GFOD1: variants seen among roughly 807,000 people sequenced by gnomAD.
GFOD1 encodes the protein Gfo/Idh/MocA-like oxidoreductase domain containing 1.
Under a neutral mutation model 25.4 loss-of-function variants are expected in GFOD1, and 9 were observed. That is an observed-to-expected ratio of 0.35 (90% CI 0.21 to 0.62). The LOEUF (loss-of-function observed/expected upper bound fraction) is 0.62. Ranked by LOEUF, GFOD1 falls within the 20% of genes least tolerant of loss-of-function variation. The pLI is 0.72. For synonymous variants in GFOD1, 253 were observed against 245.6 expected (o/e 1.03, Z -0.28); for missense variants, 403 against 556.9 (o/e 0.72, Z 2.78).
chr6:13,409,328 GGAGA>G (rs1562209743), intron 1 of GFOD1, among the ~76,000 whole-genome samples: 1 of 139,044 alleles, frequency 7.2e-6, no homozygotes, highest in African/African-American at 2.7e-5. Context: ...AAGGAAGGAA[GGAGA>G]GAAAGAGAGA....
At chr6:13,374,563 C>A (rs1785220279) in intron 1 of GFOD1, among the ~76,000 whole-genome samples, 1 of 151,762 alleles carries the variant, frequency 6.6e-6, no homozygotes, top group East Asian at 1.9e-4. Flanking sequence ...GTCTCAGCCT[C>A]CCAAAGTGCT....
rs10530261 is a variant in GFOD1, at chr6:13,410,577, GGAGAGAGAGAGAGAGAGAGA to G, written c.254-44935_254-44916del. Among the ~76,000 whole-genome samples, 17 of 128,176 alleles carry G rather than the reference GGAGAGAGAGAGAGAGAGAGA, an allele frequency of 1.3e-4. No homozygotes were observed. In the East Asian group the frequency reaches 1.4e-3, roughly 10 times the overall value. The allele number at this position is 128,176 out of a possible 152,430, so 84.1% of individuals were successfully genotyped here. A position where few individuals can be genotyped will look rare whatever the true frequency, so the allele number is the denominator to read the frequency against. On this transcript the variant is annotated intron_variant, in intron 1 of 1. Transcript: ENST00000379287. ...AGCAAAACTCTGTCAAAGAAAGAAA[GGAGAGAGAGAGAGAGAGAGA>G]GAGAGAGAGAGAGAGAGGAAGGAAG...
At chr6:13,412,640 C>T (rs1048680217) in intron 1 of GFOD1, among the ~76,000 whole-genome samples, 4 of 152,228 alleles carry the variant, frequency 2.6e-5, no homozygotes. Flanking sequence ...GTTACTGTTA[C>T]TCCAGGGGTG....
rs1323139945 is a variant in GFOD1, at chr6:13,361,079, C to T, written c.*3664G>A. On this transcript the variant is annotated 3_prime_UTR_variant, in exon 2 of 2. Coordinates refer to ENST00000379287, the MANE Select transcript of GFOD1 (RefSeq NM_018988.4). Reference sequence around the variant, plus strand: ...GATAACATACTTAAAATACTCTGCACACAGTGGACAAGTCTTGGAGTTGGC... The same window carrying T: ...GATAACATACTTAAAATACTCTGCATACAGTGGACAAGTCTTGGAGTTGGC... 1 of 352,468 alleles carries T rather than the reference C, an allele frequency of 2.8e-6. No individual in the cohort carries two copies. The highest frequency in any genetic ancestry group is 2.1e-5 in the African/African-American group (1 of 46,610). 21.8% of individuals were successfully genotyped at this position (352,468 alleles called of 1,614,324 possible).
In GFOD1 at chr6:13,367,705, A is replaced by G. The variant is rs541714531; in HGVS notation, c.254-2043T>C. 4.6e-5 allele frequency among the ~76,000 whole-genome samples: 7 copies of G among 152,024 alleles called. No homozygotes were observed. The South Asian group carries it at 1.3e-3, about 27-fold the overall frequency. On this transcript the variant is annotated intron_variant, in intron 1 of 1. Transcript: ENST00000379287. Reference sequence around the variant, plus strand: ...ATTTATTTCATGGAAGCCAAGAGTCAGGGAAGAAGAAAAACAACTCAGCTG... The same window carrying G: ...ATTTATTTCATGGAAGCCAAGAGTCGGGGAAGAAGAAAAACAACTCAGCTG...
intron 1 of GFOD1, among the ~76,000 whole-genome samples, chr6:13,372,141 G>A (rs1334580728): frequency 6.6e-6 from 1 of 152,230 alleles, no homozygotes; most frequent in Admixed American, 6.5e-5. Context: ...TGGTGGAGCT[G>A]AGAGATACCT....
intron 1 of GFOD1, among the ~76,000 whole-genome samples, chr6:13,394,098 AT>A (rs1023589537): frequency 1.3e-5 from 2 of 152,132 alleles, no homozygotes; most frequent in Non-Finnish European, 2.9e-5. Context: ...GTCTTAAATA[AT>A]GTACAGTTAT....
At chr6:13,486,418 C>T (rs999405570) in intron 1 of GFOD1, 8 of 608,424 alleles carry the variant, frequency 1.3e-5, no homozygotes, top group African/African-American at 1.3e-4. Context: ...GGAAGCGCGT[C>T]CAAGTGGTGC....
chr6:13,409,265 AGG>A (rs1786023142), intron 1 of GFOD1, among the ~76,000 whole-genome samples: 1 of 88,572 alleles, frequency 1.1e-5, no homozygotes, highest in African/African-American at 2.7e-5. Context: ...AGAGAGAGAG[AGG>A]GAAAGATAGA....
Position 13,362,404 on chromosome 6 carries a change from GT to G in GFOD1, c.*2338del, listed in dbSNP as rs1254500491. The G allele has an allele frequency of 1.3e-5, 2 of 150,296 alleles. No homozygotes were observed. Among genetic ancestry groups the G allele is most frequent in the African/African-American group, 4.9e-5 (2 of 40,520 alleles). 9.3% of individuals were successfully genotyped at this position (150,296 alleles called of 1,614,324 possible). ...TTGAACCTGGGAGGCAGAGGTTGCA[GT>G]GAGCTGAGATCACACCACTGCACTC... On this transcript the variant is annotated 3_prime_UTR_variant, in exon 2 of 2. Transcript: ENST00000379287.
Position 13,365,381 on chromosome 6 carries a change from A to T in GFOD1, c.535T>A (p.Tyr179Asn). ...GGGGLHSVGT[Y>N]IIDLLTFLTG... ...AGGAAGGTGAGCAGGTCGATGATGTAGGTGCCCACGGAGTGCAGGCCGCCG... is the reference window on the plus strand; with the variant it reads ...AGGAAGGTGAGCAGGTCGATGATGTTGGTGCCCACGGAGTGCAGGCCGCCG... The change falls in exon 2 of 2, where the codon TAC (tyrosine) becomes AAC (asparagine). Residue 179 changes from tyrosine to asparagine, a missense_variant. By Grantham distance (143) the Tyr-to-Asn change is moderately radical. Transcript: ENST00000379287. This position sits in a 1 kb window ranked among gnomAD's most constrained non-coding sequence, Gnocchi z 9.2. 6.2e-7 allele frequency: 1 copy of T among 1,613,982 alleles called. No homozygotes were observed. Among genetic ancestry groups the T allele is most frequent in the Non-Finnish European group, 8.5e-7 (1 of 1,179,930 alleles).
At chr6:13,386,300 C>G (rs549395928) in intron 1 of GFOD1, among the ~76,000 whole-genome samples, 1 of 152,142 alleles carries the variant, frequency 6.6e-6, no homozygotes, top group Non-Finnish European at 1.5e-5. Flanking sequence ...GCCTCCTATC[C>G]GTCAGGTCCA....
chr6:13,481,194 A>C (rs1758744139), intron 1 of GFOD1, among the ~76,000 whole-genome samples: 1 of 152,244 alleles, frequency 6.6e-6, no homozygotes, highest in Non-Finnish European at 1.5e-5. Context: ...CAGAAGCAGG[A>C]CTGAGGTTGG....
intron 1 of GFOD1, 42 bp downstream of exon 1, chr6:13,486,596 G>A (rs1758876785): frequency 1.3e-6 from 2 of 1,564,038 alleles, no homozygotes; most frequent in African/African-American, 2.7e-5. Flanking sequence ...GAAGGTTAAA[G>A]GGCGGGGGTG....
chr6:13,384,217 C>T (rs1452414005), intron 1 of GFOD1, among the ~76,000 whole-genome samples: 1 of 152,214 alleles, frequency 6.6e-6, no homozygotes, highest in African/African-American at 2.4e-5. Flanking sequence ...CAGAGTGAGA[C>T]TCCATCTCAA....
chr6:13,445,398 T>C (rs1228532846), intron 1 of GFOD1, among the ~76,000 whole-genome samples: 8 of 152,254 alleles, frequency 5.3e-5, no homozygotes, highest in African/African-American at 1.9e-4. Flanking sequence ...GTACTTGTAC[T>C]GGGCCCTCAA....
At chr6:13,437,952 AAAAAT>A (rs1757859461) in intron 1 of GFOD1, among the ~76,000 whole-genome samples, 1 of 152,386 alleles carries the variant, frequency 6.6e-6, no homozygotes, top group East Asian at 1.9e-4. Flanking sequence ...AGGAAGGAAG[AAAAAT>A]AAAATAAAAT....
intron 1 of GFOD1, among the ~76,000 whole-genome samples, chr6:13,390,780 A>AGAAAGG (rs1491481409): frequency 0.028 from 3,244 of 117,772 alleles, 78 homozygotes; most frequent in Admixed American, 0.046. Context: ...AGAGAGAGAG[A>AGAAAGG]AAGGAAGGAA....
chr6:13,439,427 C>T (rs1757881985), intron 1 of GFOD1, among the ~76,000 whole-genome samples: 1 of 152,148 alleles, frequency 6.6e-6, no homozygotes, highest in Admixed American at 6.5e-5. Flanking sequence ...AATTGCATTC[C>T]CTTGCCTCCC....
Sources: gnomAD v4.1 joint callset for allele counts (sites outside exome capture counted in the v4.1 genomes callset) on GRCh38, gnomAD v4.1.1 for gene constraint, Gnocchi (gnomAD v3.1) non-coding constraint, MANE v1.5 for transcripts, NCBI Gene and HGNC (gene_info 2026-07-23, HGNC 2026-07-21) for gene names.